Variants in USP14 observed in about 807,000 individuals in gnomAD.
USP14 encodes ubiquitin specific peptidase 14.
In USP14, 38 loss-of-function variants were observed where a neutral mutation model predicts 76.5. The observed-to-expected ratio is 0.50, with a 90% confidence interval of 0.38 to 0.65. The LOEUF (loss-of-function observed/expected upper bound fraction) is 0.65. Ranked by LOEUF, USP14 falls within the 30% of genes least tolerant of loss-of-function variation. The pLI is 0.00. For missense variants in USP14, 467 were observed against 586.5 expected (o/e 0.80, Z 2.10); for synonymous variants, 192 against 191.7 (o/e 1.00, Z -0.01).
chr18:190,027 T>G (rs1262805730), intron 5 of USP14, among the ~76,000 whole-genome samples: 1 of 152,166 alleles, frequency 6.6e-6, no homozygotes, highest in Admixed American at 6.5e-5. Flanking sequence ...TGAACAGAAA[T>G]GTACAAATTG....
chr18:203,219 A>T lies in USP14; in HGVS notation c.1035+29A>T, dbSNP rs1200702279. 4.4e-6 allele frequency: 7 copies of T among 1,578,880 alleles called. No individual in the cohort carries two copies. In the East Asian group the frequency reaches 1.6e-4, roughly 35 times the overall value. ...AGTAATGAACTTTACTTTGTATAAGAAATGTAATTCTTTGAAGGTAATTGC... is the reference window on the plus strand; with the variant it reads ...AGTAATGAACTTTACTTTGTATAAGTAATGTAATTCTTTGAAGGTAATTGC... On this transcript the variant is annotated intron_variant, in intron 12 of 15. Coordinates refer to ENST00000261601, the MANE Select transcript of USP14 (RefSeq NM_005151.4).
Position 203,095 on chromosome 18 carries a change from C to G in USP14, c.943-3C>G. 1 of 1,613,332 alleles carries G rather than the reference C, an allele frequency of 6.2e-7. No homozygotes were observed. Among genetic ancestry groups the G allele is most frequent in the Non-Finnish European group, 8.5e-7 (1 of 1,179,864 alleles). The stretch of plus-strand genomic sequence containing the variant: ...GGGATTTCTTTACATTTTGTCTCCT[C>G]AGTCCAAGATCAGCCGGCTGCCTGC... On this transcript the variant is annotated splice_polypyrimidine_tract_variant and splice_region_variant and intron_variant, in intron 11 of 15. Coordinates refer to ENST00000261601, the MANE Select transcript of USP14 (RefSeq NM_005151.4).
Position 213,214 on chromosome 18 carries a change from A to AAT in USP14, c.*1931_*1932dup. Reference sequence around the variant, plus strand: ...ATTTTATTGAGGACATGAATTTAACAATTAGAATTTAGATTTTCTGACTGT... The same window carrying AAT: ...ATTTTATTGAGGACATGAATTTAACAATATTAGAATTTAGATTTTCTGACTGT... On this transcript the variant is annotated 3_prime_UTR_variant, in exon 16 of 16. Transcript: ENST00000261601. The AAT allele has an allele frequency of 6.6e-6, 1 of 152,178 alleles. No individual in the cohort carries two copies. The allele number at this position is 152,178 out of a possible 1,614,324, so 9.4% of individuals were successfully genotyped here. A position where few individuals can be genotyped will look rare whatever the true frequency, so the allele number is the denominator to read the frequency against.
intron 3 of USP14, among the ~76,000 whole-genome samples, chr18:172,391 G>A (rs1220301817): frequency 6.6e-6 from 1 of 151,580 alleles, no homozygotes; most frequent in Non-Finnish European, 1.5e-5. Flanking sequence ...AAGAAGCTGT[G>A]AATGTTGTTG....
chr18:184,347 C>T (rs1199736473), intron 5 of USP14, among the ~76,000 whole-genome samples: 1 of 152,036 alleles, frequency 6.6e-6, no homozygotes, highest in South Asian at 2.1e-4. Context: ...ACTGATAAAA[C>T]AAGAATGAAA....
At chr18:192,024 A>G (rs952937395) in intron 5 of USP14, among the ~76,000 whole-genome samples, 2 of 152,242 alleles carry the variant, frequency 1.3e-5, no homozygotes, top group Admixed American at 6.5e-5. Flanking sequence ...AGTGAGGATC[A>G]TAAAGCTGAA....
intron 3 of USP14, among the ~76,000 whole-genome samples, chr18:171,029 T>TATATAA (rs1909443805): frequency 1.6e-5 from 1 of 63,678 alleles, no homozygotes; most frequent in African/African-American, 7.0e-5. Context: ...AAAAAAAATA[T>TATATAA]ATATATATAT....
At chr18:207,945 T>C (rs1465008542) in intron 13 of USP14, among the ~76,000 whole-genome samples, 2 of 152,174 alleles carry the variant, frequency 1.3e-5, no homozygotes, top group Non-Finnish European at 2.9e-5. Flanking sequence ...TCCTTGACTT[T>C]GCTGAATTTA....
At chr18:192,675 A>C (rs1462708783) in intron 5 of USP14, among the ~76,000 whole-genome samples, 167 bp from the exon 6 acceptor site, 1 of 152,184 alleles carries the variant, frequency 6.6e-6, no homozygotes, top group Non-Finnish European at 1.5e-5. Context: ...TTTTTTCTCC[A>C]TATTTCTGGT....
At chr18:199,385 T>C in intron 10 of USP14, 69 bp downstream of exon 10, 1 of 1,097,076 alleles carries the variant, frequency 9.1e-7, no homozygotes, top group Non-Finnish European at 1.4e-6. Context: ...AAAGTCATTA[T>C]TCACTGGGCT....
chr18:179,047 A>G lies in USP14; in HGVS notation c.300+10A>G, dbSNP rs774871774. ...ACAGTTAGCATCTGCTGTAAGACAC[A>G]CCAGATTTTATGTGTTTGATCACTA... On this transcript the variant is annotated intron_variant, in intron 4 of 15. Coordinates refer to ENST00000261601, the MANE Select transcript of USP14 (RefSeq NM_005151.4). 133 of 1,577,278 alleles carry G rather than the reference A, an allele frequency of 8.4e-5. 1 individual carries two copies. In the Middle Eastern group the frequency reaches 1.5e-3, roughly 18 times the overall value.
chr18:196,687 C>T lies in USP14; in HGVS notation c.514C>T (p.Pro172Ser). ...GGATAAAACTTCTTCCAGTATTCCA[C>T]CTATTATTCTACTGCAGTTTTTGCA... ...SMDKTSSSIP[P>S]IILLQFLHMA... The change falls in exon 7 of 16, where the codon CCT becomes TCT. Residue 172 changes from proline (P) to serine (S), a missense_variant. Coordinates refer to ENST00000261601, the MANE Select transcript of USP14 (RefSeq NM_005151.4). The T allele has an allele frequency of 1.2e-6, 2 of 1,614,016 alleles. No homozygotes were observed. The highest frequency in any genetic ancestry group is 1.7e-6 in the Non-Finnish European group (2 of 1,179,950).
chr18:168,476 C>T (rs947801136), intron 3 of USP14, among the ~76,000 whole-genome samples: 2 of 152,030 alleles, frequency 1.3e-5, no homozygotes, highest in Non-Finnish European at 2.9e-5. Context: ...GCTTTGTCGC[C>T]CAGGCTGGAG....
At chr18:184,639 G>A (rs867456979) in intron 5 of USP14, among the ~76,000 whole-genome samples, 4 of 152,264 alleles carry the variant, frequency 2.6e-5, no homozygotes, top group Middle Eastern at 3.4e-3. Flanking sequence ...GCATGGTGGT[G>A]TGTGCCTGTA....
At chr18:188,554 T>C (rs959170829) in intron 5 of USP14, among the ~76,000 whole-genome samples, 3 of 151,548 alleles carry the variant, frequency 2.0e-5, no homozygotes, top group Admixed American at 1.3e-4. Context: ...GTTACAGTTA[T>C]GCTAGCTCTA....
intron 1 of USP14, among the ~76,000 whole-genome samples, chr18:159,946 A>C (rs1312419954): frequency 6.6e-6 from 1 of 152,226 alleles, no homozygotes; most frequent in Non-Finnish European, 1.5e-5. Context: ...GAGGGTCAGC[A>C]AAAAGCTCTA....
intron 6 of USP14, among the ~76,000 whole-genome samples, chr18:195,523 C>T (rs1042510632): frequency 6.6e-6 from 1 of 152,076 alleles, no homozygotes; most frequent in Non-Finnish European, 1.5e-5. Flanking sequence ...CTAGGAAGTC[C>T]GCAGAGGAGA....
intron 1 of USP14, 194 bp downstream of exon 1, chr18:158,908 C>A: frequency 1.1e-6 from 1 of 881,988 alleles, no homozygotes; most frequent in Non-Finnish European, 1.5e-6. Flanking sequence ...GGCAGGGGAG[C>A]GCCGTCCCCC....
chr18:174,167 A>G (rs1024675162), intron 3 of USP14, among the ~76,000 whole-genome samples: 12 of 152,206 alleles, frequency 7.9e-5, no homozygotes, highest in Non-Finnish European at 1.2e-4. Context: ...TGAGTCTTCT[A>G]ACTTACAAAC....
Sources: gnomAD v4.1 joint callset for allele counts (sites outside exome capture counted in the v4.1 genomes callset) on GRCh38, gnomAD v4.1.1 for gene constraint, MANE v1.5 for transcripts, NCBI Gene and HGNC (gene_info 2026-07-23, HGNC 2026-07-21) for gene names.